Variants in CCP110 observed in about 807,000 individuals in gnomAD.
CCP110 encodes the protein centriolar coiled-coil protein of 110 kDa.
Under a neutral mutation model 105.5 loss-of-function variants are expected in CCP110, and 43 were observed. The ratio of observed to expected loss-of-function variants is 0.41; its 90% confidence interval spans 0.32 to 0.53. CCP110 has a LOEUF of 0.53. Among genes scored for constraint, CCP110 ranks in the 20% least tolerant of loss-of-function variants. The pLI, the probability that CCP110 is intolerant of heterozygous loss-of-function variation, is 0.32. For synonymous variants in CCP110, 353 were observed against 392.1 expected (o/e 0.90, Z 1.18); for missense variants, 1,016 against 1,189.1 (o/e 0.85, Z 2.14).
chr16:19,540,876 T>G, intron 5 of CCP110, 89 bp downstream of exon 5: 1 of 1,166,774 alleles, frequency 8.6e-7, no homozygotes, highest in Non-Finnish European at 1.2e-6. Context: ...TACGTGTAAT[T>G]TTTGCCTCCA....
intron 1 of CCP110, chr16:19,526,689 T>C (rs933609426): frequency 1.3e-5 from 2 of 150,682 alleles, no homozygotes; most frequent in Non-Finnish European, 1.5e-5. Context: ...ATTTTTTTTT[T>C]CCCATTTCTC....
intron 12 of CCP110, 25 bp downstream of exon 12, chr16:19,546,499 T>TGA (rs1339929913): frequency 7.2e-7 from 1 of 1,395,798 alleles, no homozygotes; most frequent in Admixed American, 1.9e-5. Flanking sequence ...TTAGTCTTAA[T>TGA]GAGAGGCTTT....
chr16:19,530,327 G>A (rs1406996769), intron 2 of CCP110, among the ~76,000 whole-genome samples: 1 of 152,126 alleles, frequency 6.6e-6, no homozygotes, highest in African/African-American at 2.4e-5. Context: ...TCTAGTCCCT[G>A]TAGTTCCTAT....
intron 2 of CCP110, among the ~76,000 whole-genome samples, chr16:19,530,182 G>A (rs1329008383): frequency 6.6e-6 from 1 of 151,988 alleles, no homozygotes; most frequent in East Asian, 1.9e-4. Flanking sequence ...GGGTGACAGA[G>A]TGAGATACTG....
chr16:19,530,581 G>A (rs1206986273), intron 2 of CCP110, among the ~76,000 whole-genome samples: 1 of 151,854 alleles, frequency 6.6e-6, no homozygotes, highest in African/African-American at 2.4e-5. Flanking sequence ...AGGAGGCGAA[G>A]GTTGCAGTGA....
intron 4 of CCP110, among the ~76,000 whole-genome samples, chr16:19,538,610 C>A (rs1970166865): frequency 1.3e-5 from 2 of 151,904 alleles, no homozygotes; most frequent in Admixed American, 1.3e-4. Flanking sequence ...GCACCCAGCC[C>A]CAAACAGTCT....
chr16:19,528,482 C>A (rs111317043), intron 2 of CCP110, among the ~76,000 whole-genome samples: 2,168 of 152,274 alleles, frequency 0.014, 54 homozygotes, highest in African/African-American at 0.049. Context: ...TATAAACTCT[C>A]ATACATACCA....
In CCP110 at chr16:19,543,088, C is replaced by T. The variant is rs191892995; in HGVS notation, c.2484+94C>T. The T allele has an allele frequency of 2.7e-3, 2,009 of 740,084 alleles. 3 individuals carry two copies. Among genetic ancestry groups the T allele is most frequent in the Non-Finnish European group, 3.2e-3 (1,383 of 431,402 alleles). The allele number at this position is 740,084 out of a possible 1,614,324, so 45.8% of individuals were successfully genotyped here. On this transcript the variant is annotated intron_variant, in intron 8 of 14. Coordinates refer to ENST00000381396, the Ensembl canonical transcript of CCP110. ...CTAACAGATTAGTTCAGAACTTAAACGCTTTTTAGTCACTGTAATCTAGGC... is the reference window on the plus strand; with the variant it reads ...CTAACAGATTAGTTCAGAACTTAAATGCTTTTTAGTCACTGTAATCTAGGC...
At chr16:19,541,390 T>C (rs955625821) in intron 5 of CCP110, among the ~76,000 whole-genome samples, 1 of 152,170 alleles carries the variant, frequency 6.6e-6, no homozygotes, top group East Asian at 1.9e-4. Flanking sequence ...CCCAGCACTT[T>C]GGGAGGCCGA....
At chr16:19,530,239 C>G (rs1049894331) in intron 2 of CCP110, among the ~76,000 whole-genome samples, 1 of 151,946 alleles carries the variant, frequency 6.6e-6, no homozygotes, top group Non-Finnish European at 1.5e-5. Context: ...TTAAAGAGAC[C>G]AGAGCTATTG....
At chr16:19,533,206 G>A (rs1017597209) in intron 3 of CCP110, among the ~76,000 whole-genome samples, 11 of 150,648 alleles carry the variant, frequency 7.3e-5, no homozygotes, top group Non-Finnish European at 1.2e-4. Context: ...AATCTTAGGA[G>A]TTTGTGGTTT....
intron 10 of CCP110, among the ~76,000 whole-genome samples, chr16:19,545,567 A>T (rs1970432103): frequency 6.6e-6 from 1 of 152,180 alleles, no homozygotes; most frequent in Non-Finnish European, 1.5e-5. Flanking sequence ...TTTGAAGTAT[A>T]TCAGAGTATG....
At chr16:19,532,588 G>T in intron 3 of CCP110, 44 bp downstream of exon 3, 2 of 1,472,400 alleles carry the variant, frequency 1.4e-6, no homozygotes, top group African/African-American at 2.8e-5. Context: ...GAAATCATAA[G>T]ATAAGCGTTG....
chr16:19,544,891 T>G lies in CCP110; in HGVS notation c.2579T>G (p.Leu860Ter). The G allele has an allele frequency of 6.5e-7, 1 of 1,544,820 alleles. No individual in the cohort carries two copies. Among genetic ancestry groups the G allele is most frequent in the Non-Finnish European group, 8.9e-7 (1 of 1,119,190 alleles). The change falls in exon 9 of 15, where the codon TTA becomes TGA. Residue 860 changes from leucine to a stop codon, truncating the protein, a stop_gained. Coordinates refer to ENST00000381396, the Ensembl canonical transcript of CCP110. LOFTEE classifies it high-confidence loss of function. ...GATGCTTCACTTCAGGAAAGAGTGT[T>G]AGCTCAGGTAAATACATGGATCCTG...
rs527766428 is a variant in CCP110 at position 19,543,866 on chromosome 16, G to A, written c.2484+872G>A. 2.0e-5 allele frequency among the ~76,000 whole-genome samples: 3 copies of A among 152,244 alleles called. No individual in the cohort carries two copies. In the South Asian group the frequency reaches 6.2e-4, roughly 32 times the overall value. On this transcript the variant is annotated intron_variant, in intron 8 of 14. Coordinates refer to ENST00000381396, the Ensembl canonical transcript of CCP110. ...GACCAGTTCTCTGCTCTCAAACCCTGTTTCCTTTTAAGATGTTTATCAAGA... is the reference window on the plus strand; with the variant it reads ...GACCAGTTCTCTGCTCTCAAACCCTATTTCCTTTTAAGATGTTTATCAAGA...
chr16:19,546,124 G>A (rs1339098158), intron 11 of CCP110: 1 of 517,102 alleles, frequency 1.9e-6, no homozygotes, highest in Non-Finnish European at 3.4e-6. Context: ...ACTGATAGCT[G>A]GTTAATCTTA....
chr16:19,551,267 G>C, exon 15 of CCP110: 1 of 1,597,790 alleles, frequency 6.3e-7, no homozygotes, highest in Non-Finnish European at 8.6e-7. Context: ...CATTCATTAG[G>C]ATAAAATGGG....
chr16:19,538,561 C>T (rs1970164797), intron 4 of CCP110, among the ~76,000 whole-genome samples: 1 of 151,888 alleles, frequency 6.6e-6, no homozygotes, highest in African/African-American at 2.4e-5. Flanking sequence ...CCACCCGCCT[C>T]AGCCTCCCAA....
At chr16:19,537,448 T>C in exon 4 of CCP110, 7 of 1,613,042 alleles carry the variant, frequency 4.3e-6, no homozygotes, top group Non-Finnish European at 5.9e-6. Flanking sequence ...TAGATATTGA[T>C]GGTTTGCAAA....
Sources: gnomAD v4.1 joint callset for allele counts (sites outside exome capture counted in the v4.1 genomes callset) on GRCh38, gnomAD v4.1.1 for gene constraint, MANE v1.5 for transcripts, NCBI Gene and HGNC (gene_info 2026-07-23, HGNC 2026-07-21) for gene names.